GAS2: variants seen among roughly 807,000 people sequenced by gnomAD.
GAS2 encodes growth arrest-specific protein 2.
A neutral mutation model predicts 37.5 loss-of-function variants in GAS2; 20 were observed. That is an observed-to-expected ratio of 0.53 (90% CI 0.37 to 0.77). The LOEUF is 0.77. Among genes scored for constraint, GAS2 ranks in the 30% least tolerant of loss-of-function variants. The probability of loss-of-function intolerance (pLI) is 0.00; values close to 1 mark genes in which losing one functional copy is unlikely to be tolerated. For synonymous variants in GAS2, 144 were observed against 132.2 expected, an observed-to-expected ratio of 1.09 and a Z score of -0.61; for missense variants, 336 against 373.4, an observed-to-expected ratio of 0.90 and a Z score of 0.82.
At chr11:22,758,408 A>C (rs528584632) in intron 7 of GAS2, among the ~76,000 whole-genome samples, 1 of 152,236 alleles carries the variant, frequency 6.6e-6, no homozygotes, top group Non-Finnish European at 1.5e-5. Flanking sequence ...TATTCTATAA[A>C]GTATACATAC....
intron 1 of GAS2, among the ~76,000 whole-genome samples, chr11:22,652,176 G>T (rs944255845): frequency 2.0e-5 from 3 of 151,992 alleles, no homozygotes; most frequent in East Asian, 1.9e-4. Context: ...TGGAGTACCC[G>T]GCCGTGTGAG....
chr11:22,690,241 T>G (rs1850174755), intron 3 of GAS2, among the ~76,000 whole-genome samples: 2 of 152,194 alleles, frequency 1.3e-5, no homozygotes, highest in African/African-American at 4.8e-5. Context: ...TTCGCATATT[T>G]AATATTTTAG....
intron 7 of GAS2, among the ~76,000 whole-genome samples, chr11:22,779,514 A>G (rs904487153): frequency 6.6e-6 from 1 of 152,174 alleles, no homozygotes; most frequent in Non-Finnish European, 1.5e-5. Context: ...TCTGGCCAAC[A>G]TGGTGAAACC....
intron 3 of GAS2, among the ~76,000 whole-genome samples, chr11:22,713,129 G>C (rs1055246152): frequency 6.7e-6 from 1 of 150,114 alleles, no homozygotes; most frequent in African/African-American, 2.4e-5. Context: ...ATAGGATACA[G>C]ATGAAAAAGT....
chr11:22,646,897 C>A (rs1004934000), intron 1 of GAS2, among the ~76,000 whole-genome samples: 13 of 148,816 alleles, frequency 8.7e-5, no homozygotes, highest in Non-Finnish European at 1.6e-4. Context: ...CTTTTTCTTT[C>A]TTTCCTTCTT....
intron 3 of GAS2, among the ~76,000 whole-genome samples, chr11:22,709,862 G>C (rs560767017): frequency 1.3e-5 from 2 of 152,182 alleles, no homozygotes; most frequent in East Asian, 3.9e-4. Flanking sequence ...TCCTTTGTAG[G>C]GACATGGATG....
At chr11:22,790,834 A>G (rs369135047) in intron 7 of GAS2, among the ~76,000 whole-genome samples, 3 of 152,004 alleles carry the variant, frequency 2.0e-5, no homozygotes, top group East Asian at 3.8e-4. Flanking sequence ...ATAGATAGAT[A>G]ATATAGATTA....
At chr11:22,654,490 G>T (rs1848834047) in intron 1 of GAS2, among the ~76,000 whole-genome samples, 1 of 151,482 alleles carries the variant, frequency 6.6e-6, no homozygotes, top group Non-Finnish European at 1.5e-5. Context: ...TGACCTCCTT[G>T]GCTCAAGCAA....
intron 7 of GAS2, among the ~76,000 whole-genome samples, chr11:22,803,926 T>A (rs968059156): frequency 6.6e-6 from 1 of 152,020 alleles, no homozygotes; most frequent in Non-Finnish European, 1.5e-5. Context: ...GGGAAGGAGA[T>A]GAACATGGAA....
chr11:22,810,073 C>T (rs944282574), intron 7 of GAS2, among the ~76,000 whole-genome samples: 9 of 152,190 alleles, frequency 5.9e-5, no homozygotes, highest in Admixed American at 4.6e-4. Flanking sequence ...GAACGCCAGT[C>T]ACTGAAACAT....
chr11:22,658,048 A>G (rs1163218908), intron 1 of GAS2, among the ~76,000 whole-genome samples: 4 of 147,402 alleles, frequency 2.7e-5, no homozygotes. Flanking sequence ...CTTTTTTGAG[A>G]TGGAGCTCAC....
chr11:22,756,502 C>A (rs1006467779), intron 7 of GAS2, among the ~76,000 whole-genome samples: 8 of 152,018 alleles, frequency 5.3e-5, no homozygotes, highest in African/African-American at 1.9e-4. Flanking sequence ...GATTTGAATA[C>A]GTACATCTAG....
chr11:22,788,803 C>T (rs1261601214), intron 7 of GAS2, among the ~76,000 whole-genome samples: 3 of 152,090 alleles, frequency 2.0e-5, no homozygotes, highest in Admixed American at 1.3e-4. Flanking sequence ...AAATAATTTA[C>T]TATCTCTATT....
chr11:22,667,846 T>C (rs7129532), intron 1 of GAS2, among the ~76,000 whole-genome samples: 151,822 of 152,306 alleles, frequency 1, 75,673 homozygotes, highest in Middle Eastern at 1. Context: ...ACCCTCTCCA[T>C]CTTCTTCATC....
chr11:22,757,455 T>C (rs1444077864), intron 7 of GAS2, among the ~76,000 whole-genome samples: 1 of 152,168 alleles, frequency 6.6e-6, no homozygotes, highest in East Asian at 1.9e-4. Flanking sequence ...ATTAATTTAA[T>C]ATCAACTAAT....
chr11:22,692,852 C>T (rs1285547819), intron 3 of GAS2, among the ~76,000 whole-genome samples: 1 of 152,108 alleles, frequency 6.6e-6, no homozygotes, highest in Admixed American at 6.6e-5. Flanking sequence ...TTCATGATTA[C>T]TGGTTCCCAT....
Position 22,675,020 on chromosome 11 carries a change from GT to G in GAS2, c.145+8del. 6.2e-7 allele frequency: 1 copy of G among 1,611,848 alleles called. No homozygotes were observed. The highest frequency in any genetic ancestry group is 8.5e-7 in the Non-Finnish European group (1 of 1,179,052). On this transcript the variant is annotated splice_region_variant and intron_variant, in intron 2 of 7. Coordinates refer to ENST00000454584, the MANE Select transcript of GAS2 (RefSeq NM_001143830.3). The stretch of plus-strand genomic sequence containing the variant: ...GTGGTTAACCAATCTATTAGGTAAG[GT>G]TATAAGATCTCATTTTGTGAGCAAA...
rs1283855388 is a variant in GAS2, at chr11:22,690,291, C to A, written c.267+4502C>A. Among the ~76,000 whole-genome samples, 5 of 152,180 alleles carry A rather than the reference C, an allele frequency of 3.3e-5. No homozygotes were observed. The East Asian group carries it at 9.6e-4, about 29-fold the overall frequency. ...CTAAATTTAATATTTAGATATAAAT[C>A]CATGACTCTTTTATATCCAGCTTTG... On this transcript the variant is annotated intron_variant, in intron 3 of 7. Transcript: ENST00000454584.
intron 7 of GAS2, among the ~76,000 whole-genome samples, chr11:22,790,451 G>A (rs1590134915): frequency 6.6e-6 from 1 of 152,140 alleles, no homozygotes; most frequent in Non-Finnish European, 1.5e-5. Context: ...CAGATGGAAA[G>A]CATTTTTATA....
Sources: gnomAD v4.1 joint callset for allele counts (sites outside exome capture counted in the v4.1 genomes callset) on GRCh38, gnomAD v4.1.1 for gene constraint, MANE v1.5 for transcripts, NCBI Gene and HGNC (gene_info 2026-07-23, HGNC 2026-07-21) for gene names.